The following GASK1A variants were observed in gnomAD, a reference collection of about 807,000 sequenced individuals.
GASK1A encodes the protein golgi associated kinase 1A, also known as Golgi-associated kinase 1A.
A neutral mutation model predicts 41.2 loss-of-function variants in GASK1A; 40 were observed. The observed-to-expected ratio is 0.97, with a 90% CI of 0.75 to 1.27. The LOEUF (loss-of-function observed/expected upper bound fraction) is 1.27. Ranked by LOEUF, GASK1A falls within the 50% of genes most tolerant of loss-of-function variation. The probability of loss-of-function intolerance (pLI) is 0.00; values close to 1 mark genes in which losing one functional copy is unlikely to be tolerated. For missense variants in GASK1A, 678 were observed against 745.1 expected (o/e 0.91, Z 1.05); for synonymous variants, 316 against 307.1 (o/e 1.03, Z -0.30).
chr3:42,999,211 G>C (rs1039522726), intron 1 of GASK1A, among the ~76,000 whole-genome samples: 6 of 152,270 alleles, frequency 3.9e-5, no homozygotes, highest in Admixed American at 2.6e-4. Flanking sequence ...ACTTGGTTGA[G>C]GTTGGTGGGA....
chr3:42,983,880 A>G (rs141650446), intron 1 of GASK1A, among the ~76,000 whole-genome samples: 1 of 152,156 alleles, frequency 6.6e-6, no homozygotes, highest in Non-Finnish European at 1.5e-5. Flanking sequence ...AAAAACAGGG[A>G]TGTCGGGGGT....
chr3:43,006,060 TA>T (rs35556415), intron 1 of GASK1A, among the ~76,000 whole-genome samples: 22,911 of 152,180 alleles, frequency 0.15, 2,240 homozygotes, highest in East Asian at 0.36. Flanking sequence ...TCTCTCTAGT[TA>T]GTAATCATCT....
chr3:43,032,452 T>C lies in GASK1A; in HGVS notation c.189T>C (p.Ala63=). 2 of 1,551,250 alleles carry C rather than the reference T, an allele frequency of 1.3e-6. No homozygotes were observed. Among genetic ancestry groups the C allele is most frequent in the Non-Finnish European group, 1.7e-6 (2 of 1,146,656 alleles). ...CCCCTGCAACCCATATCCGGCAGGC[T>C]TTGAGCTCCAGCCGGAGGCAGCGGG... The part of the protein sequence containing the change: ...TGAPATHIRQ[A]LSSSRRQRAR... The change falls in exon 2 of 5, where the codon GCT becomes GCC. Residue 63 remains alanine, a synonymous_variant. Coordinates refer to ENST00000430121, the MANE Select transcript of GASK1A (RefSeq NM_001129908.3).
chr3:43,041,583 TC>T (rs2089638504), intron 2 of GASK1A, among the ~76,000 whole-genome samples: 2 of 152,260 alleles, frequency 1.3e-5, no homozygotes, highest in Admixed American at 6.5e-5. Context: ...TAGCTCTTTG[TC>T]CATAAGAAGG....
chr3:42,987,930 C>G (rs1204736014), intron 1 of GASK1A, among the ~76,000 whole-genome samples: 3 of 131,534 alleles, frequency 2.3e-5, no homozygotes, highest in African/African-American at 8.5e-5. Flanking sequence ...ATCCAGGAGG[C>G]AGAGGCTGCA....
At chr3:43,006,204 C>G (rs767013966) in intron 1 of GASK1A, among the ~76,000 whole-genome samples, 1 of 152,138 alleles carries the variant, frequency 6.6e-6, no homozygotes, top group Non-Finnish European at 1.5e-5. Context: ...CTGAGCTGGT[C>G]GCTTTCTTGG....
intron 1 of GASK1A, among the ~76,000 whole-genome samples, chr3:43,001,382 A>G (rs1252089743): frequency 6.6e-6 from 1 of 152,212 alleles, no homozygotes; most frequent in Non-Finnish European, 1.5e-5. Context: ...ACGTGGCCAC[A>G]TCTAGCCTGC....
At chr3:43,055,815 G>A in intron 4 of GASK1A, 2 of 483,432 alleles carry the variant, frequency 4.1e-6, no homozygotes, top group South Asian at 4.6e-5. Context: ...CTGGGTGAGA[G>A]AGCTAGGCCA....
chr3:43,042,431 T>C (rs2125689900), intron 2 of GASK1A, among the ~76,000 whole-genome samples: 1 of 152,110 alleles, frequency 6.6e-6, no homozygotes, highest in East Asian at 1.9e-4. Context: ...TGCAGTGAGC[T>C]GTGATCATGC....
chr3:43,036,564 A>T (rs1303929359), intron 2 of GASK1A, among the ~76,000 whole-genome samples: 1 of 152,206 alleles, frequency 6.6e-6, no homozygotes, highest in East Asian at 1.9e-4. Flanking sequence ...AATCCCATAT[A>T]ACACTCTGTA....
At chr3:42,983,981 G>A (rs1196575449) in intron 1 of GASK1A, among the ~76,000 whole-genome samples, 1 of 152,152 alleles carries the variant, frequency 6.6e-6, no homozygotes, top group Non-Finnish European at 1.5e-5. Flanking sequence ...CAAAGATGCC[G>A]ACATCCTTCC....
At chr3:43,038,601 T>TAAA (rs34163186) in intron 2 of GASK1A, among the ~76,000 whole-genome samples, 6 of 148,176 alleles carry the variant, frequency 4.0e-5, no homozygotes, top group African/African-American at 1.2e-4. Flanking sequence ...CTTTGATCTT[T>TAAA]AAAAAAAAAA....
At chr3:43,050,014 GTT>G (rs36083372) in intron 2 of GASK1A, among the ~76,000 whole-genome samples, 33 of 145,282 alleles carry the variant, frequency 2.3e-4, no homozygotes, top group African/African-American at 5.0e-4. Context: ...GCTTTCAGCA[GTT>G]TTTTTTTTTA....
chr3:43,039,711 T>A (rs2089625859), intron 2 of GASK1A, among the ~76,000 whole-genome samples: 1 of 152,180 alleles, frequency 6.6e-6, no homozygotes, highest in Admixed American at 6.5e-5. Flanking sequence ...CTTCTTTGTG[T>A]GGCCCCTGTG....
At chr3:42,994,087 C>T (rs2089356766) in intron 1 of GASK1A, among the ~76,000 whole-genome samples, 1 of 152,218 alleles carries the variant, frequency 6.6e-6, no homozygotes, top group Non-Finnish European at 1.5e-5. Context: ...TTTTTCCACT[C>T]AATCAACCTG....
intron 2 of GASK1A, among the ~76,000 whole-genome samples, chr3:43,044,936 A>G (rs2089655311): frequency 1.3e-5 from 2 of 152,154 alleles, no homozygotes; most frequent in African/African-American, 4.8e-5. Flanking sequence ...CAACGCTAGT[A>G]TGGAGGCTGT....
At chr3:43,044,449 CTT>C (rs992795811) in intron 2 of GASK1A, among the ~76,000 whole-genome samples, 1 of 152,176 alleles carries the variant, frequency 6.6e-6, no homozygotes, top group African/African-American at 2.4e-5. Context: ...GGGCCAGAGA[CTT>C]CTGGGAACTC....
At chr3:43,044,033 T>A (rs560907685) in intron 2 of GASK1A, among the ~76,000 whole-genome samples, 36 of 150,286 alleles carry the variant, frequency 2.4e-4, no homozygotes, top group African/African-American at 7.8e-4. Flanking sequence ...ACTGCACGCA[T>A]CATATGGGCC....
intron 1 of GASK1A, among the ~76,000 whole-genome samples, chr3:42,999,488 C>G (rs1190889975): frequency 6.6e-6 from 1 of 152,212 alleles, no homozygotes; most frequent in African/African-American, 2.4e-5. Flanking sequence ...TCTACTGGGG[C>G]TTCAGTGGCT....
Sources: gnomAD v4.1 joint callset for allele counts (sites outside exome capture counted in the v4.1 genomes callset) on GRCh38, gnomAD v4.1.1 for gene constraint, MANE v1.5 for transcripts, NCBI Gene and HGNC (gene_info 2026-07-23, HGNC 2026-07-21) for gene names.